Variants in PIK3C2G observed in about 807,000 individuals in gnomAD.
PIK3C2G encodes phosphatidylinositol 3-kinase C2 domain-containing subunit gamma.
PIK3C2G carries 168 observed loss-of-function variants against 181.1 expected under a neutral mutation model. The observed-to-expected ratio is 0.93, with a 90% CI of 0.82 to 1.05. The LOEUF is 1.05. PIK3C2G is among the 50% of genes least tolerant of loss of function. PIK3C2G has a pLI of 0.00. For missense variants in PIK3C2G, 1,869 were observed against 1,732.8 expected, an observed-to-expected ratio of 1.08 and a Z score of -1.40; for synonymous variants, 573 against 592.2, an observed-to-expected ratio of 0.97 and a Z score of 0.47.
At chr12:18,485,422 C>A (rs1368797502) in intron 18 of PIK3C2G, among the ~76,000 whole-genome samples, 1 of 152,068 alleles carries the variant, frequency 6.6e-6, no homozygotes, top group Admixed American at 6.6e-5. Context: ...AACTTAAATA[C>A]CTCCATGACA....
chr12:18,244,754 A>G (rs1376048921), upstream of PIK3C2G, among the ~76,000 whole-genome samples: 1 of 152,042 alleles, frequency 6.6e-6, no homozygotes, highest in Non-Finnish European at 1.5e-5. Context: ...CACTTATAAT[A>G]TTTTTCTAAC....
At chr12:18,650,690 GTGTGTGTGTGTGTGTATATATCTATA>G (rs1950422976), downstream of PIK3C2G, among the ~76,000 whole-genome samples, 9 of 38,944 alleles carry the variant, frequency 2.3e-4, no homozygotes, top group East Asian at 3.5e-3. Context: ...GTGTGTGTGT[GTGTGTGTGTGTGTGTATATATCTATA>G]TATATATATA....
At chr12:18,653,770 C>G in the PIK3C2G span, among the ~76,000 whole-genome samples, 1 of 151,928 alleles carries the variant, frequency 6.6e-6, no homozygotes, top group African/African-American at 2.4e-5. Context: ...ACTACAGCTG[C>G]AATTATAGGA....
intron 26 of PIK3C2G, among the ~76,000 whole-genome samples, chr12:18,551,885 G>C (rs970836546): frequency 1.3e-5 from 2 of 152,088 alleles, no homozygotes; most frequent in African/African-American, 4.8e-5. Flanking sequence ...GTAAATTCCA[G>C]AGAGAGGCAA....
At chr12:18,443,885 C>G (rs1592273469) in intron 18 of PIK3C2G, among the ~76,000 whole-genome samples, 1 of 152,108 alleles carries the variant, frequency 6.6e-6, no homozygotes, top group South Asian at 2.1e-4. Flanking sequence ...GTGTAACGAC[C>G]CTTCTCCTTG....
intron 30 of PIK3C2G, among the ~76,000 whole-genome samples, chr12:18,596,460 C>A (rs1253354483): frequency 6.6e-6 from 1 of 151,924 alleles, no homozygotes; most frequent in African/African-American, 2.4e-5. Flanking sequence ...ATTAATATAG[C>A]CCACATACCA....
intron 32 of PIK3C2G, among the ~76,000 whole-genome samples, chr12:18,645,936 T>C (rs1406823675): frequency 6.6e-6 from 1 of 152,132 alleles, no homozygotes; most frequent in Non-Finnish European, 1.5e-5. Flanking sequence ...CTCTGTAAAA[T>C]AAGAGAGGAG....
intron 26 of PIK3C2G, among the ~76,000 whole-genome samples, chr12:18,551,154 T>G (rs1348928): frequency 6.6e-6 from 1 of 151,792 alleles, no homozygotes; most frequent in Non-Finnish European, 1.5e-5. Flanking sequence ...CATCAACTAC[T>G]CTCTGTTTCC....
At chr12:18,715,903 T>C in the PIK3C2G span, 4 of 152,228 alleles carry the variant, frequency 2.6e-5, no homozygotes, top group Non-Finnish European at 5.9e-5. Context: ...TTTTCTTAAC[T>C]AATTGTCTTT....
chr12:18,393,132 A>C (rs925550620), intron 15 of PIK3C2G, among the ~76,000 whole-genome samples: 3 of 152,102 alleles, frequency 2.0e-5, no homozygotes, highest in African/African-American at 7.2e-5. Flanking sequence ...ACCAACAAAT[A>C]ATAATCATGG....
chr12:18,410,529 G>T (rs200034720), intron 16 of PIK3C2G, among the ~76,000 whole-genome samples: 21 of 137,902 alleles, frequency 1.5e-4, no homozygotes, highest in Admixed American at 1.2e-3. Context: ...AAAAAAAAAA[G>T]ATTATTTTTC....
At chr12:18,683,270 G>A in the PIK3C2G span, 1 of 1,612,562 alleles carries the variant, frequency 6.2e-7, no homozygotes, top group East Asian at 2.2e-5. Flanking sequence ...AACAAACAGT[G>A]AAGCAGGCTC....
intron 25 of PIK3C2G, among the ~76,000 whole-genome samples, 193 bp from the exon 26 acceptor site, chr12:18,546,130 G>A (rs1217066624): frequency 6.6e-6 from 1 of 151,878 alleles, no homozygotes; most frequent in African/African-American, 2.4e-5. Context: ...AGTTGTTATT[G>A]CTGTTGTCTC....
At chr12:18,284,916 T>C (rs1591825441) in intron 2 of PIK3C2G, among the ~76,000 whole-genome samples, 1 of 152,244 alleles carries the variant, frequency 6.6e-6, no homozygotes, top group Middle Eastern at 3.4e-3. Context: ...ACAACTGGAA[T>C]GCTAACAGGA....
chr12:18,687,926 A>G, the PIK3C2G span, among the ~76,000 whole-genome samples: 1 of 152,096 alleles, frequency 6.6e-6, no homozygotes, highest in African/African-American at 2.4e-5. Context: ...TAATCATTAT[A>G]AAAATGTTTT....
the PIK3C2G span, chr12:18,685,617 A>T: frequency 1.9e-6 from 1 of 516,404 alleles, no homozygotes; most frequent in Non-Finnish European, 3.9e-6. Flanking sequence ...GAAATAGTAA[A>T]CTAATTGGCT....
chr12:18,315,533 T>G (rs1378148134), intron 6 of PIK3C2G, among the ~76,000 whole-genome samples: 1 of 152,198 alleles, frequency 6.6e-6, no homozygotes, highest in Non-Finnish European at 1.5e-5. Flanking sequence ...TTCAGACTCA[T>G]GTAAATTAAG....
chr12:18,297,625 A>G (rs1403940780), intron 5 of PIK3C2G, among the ~76,000 whole-genome samples: 4 of 151,922 alleles, frequency 2.6e-5, no homozygotes. Flanking sequence ...AAACACTGGA[A>G]CTGATTCATT....
At chr12:18,329,073 G>C (rs1951476608) in intron 8 of PIK3C2G, among the ~76,000 whole-genome samples, 4 of 151,902 alleles carry the variant, frequency 2.6e-5, no homozygotes, top group Admixed American at 2.6e-4. Flanking sequence ...AGGGCAGATT[G>C]TACTAAAAGT....
Sources: gnomAD v4.1 joint callset for allele counts (sites outside exome capture counted in the v4.1 genomes callset) on GRCh38, gnomAD v4.1.1 for gene constraint, MANE v1.5 for transcripts, NCBI Gene and HGNC (gene_info 2026-07-23, HGNC 2026-07-21) for gene names.